Variants in KMT2D observed in about 807,000 individuals in gnomAD.
The protein encoded by KMT2D is histone-lysine N-methyltransferase 2D.
A neutral mutation model predicts 512.7 loss-of-function variants in KMT2D; 55 were observed. The observed-to-expected ratio is 0.11, with a 90% CI of 0.09 to 0.13. The LOEUF is 0.13. Ranked by LOEUF, KMT2D falls within the 10% of genes least tolerant of loss-of-function variation. The probability of loss-of-function intolerance (pLI) is 1.00; values close to 1 mark genes in which losing one functional copy is unlikely to be tolerated. For missense variants in KMT2D, 6,061 were observed against 7,127.9 expected, an observed-to-expected ratio of 0.85 and a Z score of 5.39; for synonymous variants, 2,995 against 2,904.0, an observed-to-expected ratio of 1.03 and a Z score of -1.01.
chr12:49,026,242 C>A lies in KMT2D; in HGVS notation c.15724G>T (p.Val5242Leu), dbSNP rs1242959077. 1 of 1,603,630 alleles carries A rather than the reference C, an allele frequency of 6.2e-7. No individual in the cohort carries two copies. The stretch of plus-strand genomic sequence containing the variant: ...AGGCCCTGCTCGATGACTTTGATTA[C>A]AAACTCCGGCCGCCCGTTGTTCTCA... Reference protein sequence around the residue: ...IGENNGRPEFVIKVIEQGLED... With the variant: ...IGENNGRPEFLIKVIEQGLED... Residue 5242 changes from valine (V) to leucine (L), a missense_variant, in exon 49 of 55, where the codon GTA (valine) becomes TTA (leucine). Physicochemically the swap from Val to Leu is conservative, Grantham distance 32 (BLOSUM62 1). This residue lies in a region of KMT2D where 261 missense variants were observed against 440.7 expected (regional missense o/e 0.59). Coordinates refer to ENST00000301067, the MANE Select transcript of KMT2D (RefSeq NM_003482.4). This position sits in a 1 kb window ranked among gnomAD's most constrained non-coding sequence, Gnocchi z 9.6.
intron 35 of KMT2D, 83 bp downstream of exon 35, chr12:49,037,042 T>C: frequency 6.7e-7 from 1 of 1,484,298 alleles, no homozygotes; most frequent in Non-Finnish European, 9.0e-7. Flanking sequence ...GTAGGGATTA[T>C]CTGAGGTCTC....
chr12:49,045,846 T>C (rs1364245048), intron 19 of KMT2D, 74 bp downstream of exon 19: 1 of 1,237,622 alleles, frequency 8.1e-7, no homozygotes, highest in Admixed American at 1.8e-5. Flanking sequence ...GAGATGAAGC[T>C]AGGGGGTTGG....
chr12:49,037,432 C>T lies in KMT2D; in HGVS notation c.9924G>A (p.Gly3308=), dbSNP rs2120478947. 3 of 1,591,296 alleles carry T rather than the reference C, an allele frequency of 1.9e-6. No individual in the cohort carries two copies. Among genetic ancestry groups the T allele is most frequent in the Non-Finnish European group, 2.6e-6 (3 of 1,169,046 alleles). Reference sequence around the variant, plus strand: ...GACCCAGGGAAAGCTGCTGTTGGGACCCAGCCAAACTGGGAGAAGAGCCCT... The same window carrying T: ...GACCCAGGGAAAGCTGCTGTTGGGATCCAGCCAAACTGGGAGAAGAGCCCT... The part of the protein sequence containing the change: ...PHEGSSPSLA[G]SQQQLSLGLA... Residue 3308 remains glycine (G), a synonymous_variant, in exon 35 of 55, where the codon GGG becomes GGA. Transcript: ENST00000301067.
rs1205033393 is a variant in KMT2D, at chr12:49,033,245, G to A, written c.11460C>T (p.Pro3820=). The change falls in exon 40 of 55, where the codon CCC becomes CCT. Residue 3820 remains proline, a synonymous_variant. Transcript: ENST00000301067. ...LQQQHPGALG[P]QGPHRQVLMT... is the part of the protein sequence containing the mutation. The stretch of plus-strand genomic sequence containing the variant: ...TAAGCACCTGTCTGTGAGGGCCCTG[G>A]GGGCCCAAAGCTCCAGGGTGCTGCT... 1.9e-6 allele frequency: 3 copies of A among 1,554,574 alleles called. No homozygotes were observed. Among genetic ancestry groups the A allele is most frequent in the African/African-American group, 1.4e-5 (1 of 73,318 alleles).
rs764275602 is a variant in KMT2D at position 49,032,551 on chromosome 12, C to T, written c.12154G>A (p.Gly4052Arg). The T allele has an allele frequency of 1.2e-6, 2 of 1,610,836 alleles. No homozygotes were observed. Among genetic ancestry groups the T allele is most frequent in the Admixed American group, 3.4e-5 (2 of 59,378 alleles). The change falls in exon 40 of 55, where the codon GGA becomes AGA. Residue 4052 changes from glycine to arginine, a missense_variant. Gly to Arg is a moderately radical substitution (Grantham distance 125). This residue lies in a region of KMT2D where 1,600 missense variants were observed against 1,754.9 expected (regional missense o/e 0.91). Coordinates refer to ENST00000301067, the MANE Select transcript of KMT2D (RefSeq NM_003482.4). Reference sequence around the variant, plus strand: ...GTGGCCATTGACTCAGGGGTAGTTCCTATTGCTAACGGCCCTCCCTGATGT... The same window carrying T: ...GTGGCCATTGACTCAGGGGTAGTTCTTATTGCTAACGGCCCTCCCTGATGT... ...STHQGGPLAIGTTPESMATEP... is the reference protein window; with the variant it reads ...STHQGGPLAIRTTPESMATEP...
At position 49,059,982 on chromosome 12, in the gene KMT2D, G is replaced by A. The variant is rs928399808; in HGVS notation, c.-407C>T. ...GGCCAGCGCCCCGGCCGCCCGCGCC[G>A]GGCTCGGGCGGAACGTCGAGGCTCT... On this transcript the variant is annotated 5_prime_UTR_variant, in exon 1 of 55. Transcript: ENST00000301067. 6.6e-6 allele frequency among the ~76,000 whole-genome samples: 1 copy of A among 151,366 alleles called. No individual in the cohort carries two copies. Among genetic ancestry groups the A allele is most frequent in the Non-Finnish European group, 1.5e-5 (1 of 67,724 alleles).
chr12:49,031,376 T>A lies in KMT2D; in HGVS notation c.13329A>T (p.Pro4443=), dbSNP rs1942901958. The A allele has an allele frequency of 6.2e-7, 1 of 1,613,524 alleles. No homozygotes were observed. The highest frequency in any genetic ancestry group is 8.5e-7 in the Non-Finnish European group (1 of 1,179,888). ...REANGEPIGA[P]GTSNHLLLAG... ...CCAGCAGGAGGTGGTTGCTGGTTCC[T>A]GGTGCCCCTATTGGCTCCCCATTGG... is the stretch of plus-strand genomic sequence containing the variant. The change falls in exon 40 of 55, where the codon CCA becomes CCT. Residue 4443 remains proline (P), a synonymous_variant. Coordinates refer to ENST00000301067, the MANE Select transcript of KMT2D (RefSeq NM_003482.4).
chr12:49,023,677 AG>A (rs1412975326), intron 51 of KMT2D, among the ~76,000 whole-genome samples: 1 of 152,224 alleles, frequency 6.6e-6, no homozygotes, highest in Non-Finnish European at 1.5e-5. Flanking sequence ...AATTTGGGGA[AG>A]GAAGAGATAT....
Position 49,054,166 on chromosome 12 carries a change from G to A in KMT2D, c.511-26C>T. On this transcript the variant is annotated intron_variant, in intron 5 of 54. Coordinates refer to ENST00000301067, the MANE Select transcript of KMT2D (RefSeq NM_003482.4). This position sits in a 1 kb window ranked among gnomAD's most constrained non-coding sequence, Gnocchi z 6.4. ...CTGCCAGGGTGAAAAAAGAGCCTCA[G>A]TGTCAGCCAGCTCTCCCCAGACAAA... The A allele has an allele frequency of 6.4e-7, 1 of 1,568,160 alleles. No individual in the cohort carries two copies. The highest frequency in any genetic ancestry group is 8.7e-7 in the Non-Finnish European group (1 of 1,155,628).
intron 14 of KMT2D, 141 bp from the exon 15 acceptor site, chr12:49,048,210 A>G (rs1421023819): frequency 1.7e-6 from 1 of 583,574 alleles, no homozygotes; most frequent in African/African-American, 1.8e-5. Flanking sequence ...GTAAGCTACC[A>G]AGGGACCCTG....
At position 49,039,369 on chromosome 12, in the gene KMT2D, C is replaced by A; in HGVS notation, c.8230-11G>T. ...AAGGCTGCTCTTGTCCTAGAAGAGA[C>A]AAGGTAGATGAAGGTGGAGCAACCT... On this transcript the variant is annotated splice_polypyrimidine_tract_variant and intron_variant, in intron 33 of 54. Transcript: ENST00000301067. The surrounding 1 kb of genome is among the most constrained non-coding windows in gnomAD (Gnocchi z 5.0). The A allele has an allele frequency of 1.9e-6, 3 of 1,610,752 alleles. No homozygotes were observed. Among genetic ancestry groups the A allele is most frequent in the South Asian group, 1.1e-5 (1 of 90,850 alleles).
At chr12:49,037,088 C>A (rs374762931) in intron 35 of KMT2D, 37 bp downstream of exon 35, 25 of 1,534,030 alleles carry the variant, frequency 1.6e-5, no homozygotes, top group African/African-American at 1.1e-4. Context: ...ACAATAATCA[C>A]CCTGAGTAAC....
rs771626913 is a variant in KMT2D, at chr12:49,050,554, C to T, written c.3034G>A (p.Ala1012Thr). 2.5e-6 allele frequency: 4 copies of T among 1,604,052 alleles called. No individual in the cohort carries two copies. Among genetic ancestry groups the T allele is most frequent in the Non-Finnish European group, 3.4e-6 (4 of 1,173,102 alleles). Reference protein sequence around the residue: ...PPSPGSPVGPASPILMEPLPP... With the variant: ...PPSPGSPVGPTSPILMEPLPP... ...AGGGGCTCCATCAGGATGGGAGAAG[C>T]CGGCCCCACTGGGGAGCCTGGAGAT... The change falls in exon 12 of 55, where the codon GCT (alanine) becomes ACT (threonine). Residue 1012 changes from alanine to threonine, a missense_variant. Transcript: ENST00000301067.
rs1456515821 is a variant in KMT2D, at chr12:49,037,538, G to A, written c.9818C>T (p.Ala3273Val). Residue 3273 changes from alanine to valine, a missense_variant, in exon 35 of 55, where the codon GCC becomes GTC. Around this residue, in one of 16 missense-constraint regions of KMT2D, gnomAD observed 533 missense variants for 539.6 expected, o/e 0.99. Coordinates refer to ENST00000301067, the MANE Select transcript of KMT2D (RefSeq NM_003482.4). ...CTGCTGCTGTTGCTGCTGCTGCTGGGCAGGCTGCAACTGTGCTGAAAGCTG... is the reference window on the plus strand; with the variant it reads ...CTGCTGCTGTTGCTGCTGCTGCTGGACAGGCTGCAACTGTGCTGAAAGCTG... ...KQQLSAQLQPAQQQQQQQQQH... is the reference protein window; with the variant it reads ...KQQLSAQLQPVQQQQQQQQQH... 6.4e-7 allele frequency: 1 copy of A among 1,554,438 alleles called. No homozygotes were observed. Among genetic ancestry groups the A allele is most frequent in the South Asian group, 1.2e-5 (1 of 84,298 alleles).
rs775998846 is a variant in KMT2D at position 49,044,309 on chromosome 12, G to A, written c.5084-5C>T. On this transcript the variant is annotated splice_region_variant and splice_polypyrimidine_tract_variant and intron_variant, in intron 21 of 54. Coordinates refer to ENST00000301067, the MANE Select transcript of KMT2D (RefSeq NM_003482.4). This position sits in a 1 kb window ranked among gnomAD's most constrained non-coding sequence, Gnocchi z 6.4. ...GCACCATGAAACCACCAATGCCTAT[G>A]AGGAGGCAGAGTTGTGGATGAGAAG... The A allele has an allele frequency of 9.9e-6, 16 of 1,613,780 alleles. No homozygotes were observed. Among genetic ancestry groups the A allele is most frequent in the African/African-American group, 1.3e-5 (1 of 74,910 alleles).
chr12:49,044,978 A>G lies in KMT2D; in HGVS notation c.4742-13T>C. 6.2e-7 allele frequency: 1 copy of G among 1,608,558 alleles called. No individual in the cohort carries two copies. The highest frequency in any genetic ancestry group is 8.5e-7 in the Non-Finnish European group (1 of 1,175,124). Reference sequence around the variant, plus strand: ...AAGTACTGGGGCTCTGCATAAGAGGAAAGAGTATGTGATCCCTGGATGGAA... The same window carrying G: ...AAGTACTGGGGCTCTGCATAAGAGGGAAGAGTATGTGATCCCTGGATGGAA... On this transcript the variant is annotated splice_polypyrimidine_tract_variant and intron_variant, in intron 19 of 54. Coordinates refer to ENST00000301067, the MANE Select transcript of KMT2D (RefSeq NM_003482.4). This position sits in a 1 kb window ranked among gnomAD's most constrained non-coding sequence, Gnocchi z 6.4.
rs751561975 is a variant in KMT2D at position 49,049,719 on chromosome 12, C to G, written c.3869G>C (p.Arg1290Pro). ...SGGKAEGEKGRRRSSPARSRI... is the reference protein window; with the variant it reads ...SGGKAEGEKGPRRSSPARSRI... ...GGAACGGGCTGGGGAGCTGCGCCGC[C>G]GCCCCTTCTCCCCCTCAGCTTTGCC... Residue 1290 changes from arginine to proline, a missense_variant, in exon 12 of 55, where the codon CGG becomes CCG. By Grantham distance (103) the Arg-to-Pro change is moderately radical. Coordinates refer to ENST00000301067, the MANE Select transcript of KMT2D (RefSeq NM_003482.4). The G allele has an allele frequency of 3.1e-6, 5 of 1,601,774 alleles. No individual in the cohort carries two copies. The highest frequency in any genetic ancestry group is 3.4e-6 in the Non-Finnish European group (4 of 1,170,382).
At chr12:49,057,236 C>G (rs1290326872) in intron 1 of KMT2D, among the ~76,000 whole-genome samples, 1 of 152,210 alleles carries the variant, frequency 6.6e-6, no homozygotes, top group Non-Finnish European at 1.5e-5. Context: ...TTAAAGTTTT[C>G]TAATTCTTTG....
intron 35 of KMT2D, among the ~76,000 whole-genome samples, chr12:49,036,652 C>T (rs1943237312): frequency 6.6e-6 from 1 of 151,962 alleles, no homozygotes; most frequent in Non-Finnish European, 1.5e-5. Context: ...CCGCGCCCGG[C>T]TCACACCCAG....
Sources: allele counts gnomAD v4.1 joint callset (sites outside exome capture counted in the v4.1 genomes callset), GRCh38; gene constraint gnomAD v4.1.1; regional missense constraint gnomAD v4.1.1; non-coding constraint Gnocchi (gnomAD v3.1); transcripts MANE v1.5; gene names NCBI Gene and HGNC (gene_info 2026-07-23, HGNC 2026-07-21).